CA5B: variants seen among roughly 807,000 people sequenced by gnomAD.
CA5B encodes the protein carbonic anhydrase 5B.
Under a neutral mutation model 23.1 loss-of-function variants are expected in CA5B, and 15 were observed. That is an observed-to-expected ratio of 0.65 (90% CI 0.43 to 1.00). The LOEUF (loss-of-function observed/expected upper bound fraction) is 1.00. Among genes scored for constraint, CA5B ranks in the 50% least tolerant of loss-of-function variants. The pLI is 0.00. For synonymous variants in CA5B, 84 were observed against 98.5 expected (o/e 0.85, Z 0.87); for missense variants, 236 against 252.2 (o/e 0.94, Z 0.43).
chrX:15,754,209 G>A (rs1277483782), intron 2 of CA5B, among the ~76,000 whole-genome samples: 1 of 112,024 alleles, frequency 8.9e-6, no homozygotes, highest in Non-Finnish European at 1.9e-5. Context: ...CATTCAGTCC[G>A]TTGGGTAGCT....
At chrX:15,738,543 C>G (rs1406173145) in intron 1 of CA5B, among the ~76,000 whole-genome samples, 191 bp downstream of exon 1, 1 of 110,817 alleles carries the variant, frequency 9.0e-6, no homozygotes, top group East Asian at 2.9e-4. Context: ...AATGGGGTGT[C>G]GAACTCCCCC....
intron 2 of CA5B, among the ~76,000 whole-genome samples, chrX:15,750,794 C>T (rs1931341262): frequency 8.9e-6 from 1 of 111,881 alleles, no homozygotes; most frequent in Admixed American, 9.5e-5. Flanking sequence ...CATCTCGTTC[C>T]CCTCCTGGAA....
intron 2 of CA5B, chrX:15,750,428 T>C: frequency 3.9e-6 from 1 of 256,172 alleles, no homozygotes. Context: ...GAATGTTCTT[T>C]CTTGACTAAT....
rs376834870 is a variant in CA5B, at chrX:15,750,159, C to T, written c.136C>T (p.Arg46Ter). The change falls in exon 2 of 8, where the codon CGA (arginine) becomes TGA (stop). Residue 46 changes from arginine (R) to a stop codon, truncating the protein, a stop_gained. Coordinates refer to ENST00000318636, the MANE Select transcript of CA5B (RefSeq NM_007220.4). LOFTEE classifies it high-confidence loss of function. ...TACTTGTACTTACAAAACCCGGAAC[C>T]GAGCCTGTGAGTACACCACTTCCTT... ...LYTCTYKTRN[R>*]ALHPLWESVD... The T allele has an allele frequency of 2.7e-5, 33 of 1,202,892 alleles. No homozygotes were observed. Among genetic ancestry groups the T allele is most frequent in the African/African-American group, 3.5e-5 (2 of 57,084 alleles).
chrX:15,781,568 A>C (rs752837083), intron 7 of CA5B, among the ~76,000 whole-genome samples: 6 of 111,690 alleles, frequency 5.4e-5, no homozygotes, highest in Non-Finnish European at 1.1e-4. Flanking sequence ...CCGTCATTGC[A>C]GAAAGTTCTA....
At chrX:15,741,916 A>G (rs1367183231) in intron 1 of CA5B, among the ~76,000 whole-genome samples, 1 of 111,883 alleles carries the variant, frequency 8.9e-6, no homozygotes, top group Non-Finnish European at 1.9e-5. Context: ...TAAAAATCAC[A>G]ATGGCTATCT....
Position 15,772,532 on chromosome X carries a change from T to G in CA5B, c.377T>G (p.Leu126Trp), listed in dbSNP as rs1029758433. The G allele has an allele frequency of 4.1e-6, 5 of 1,206,596 alleles. No individual in the cohort carries two copies. The highest frequency in any genetic ancestry group is 5.6e-6 in the Non-Finnish European group (5 of 892,617). The change falls in exon 4 of 8, where the codon TTG becomes TGG. Residue 126 changes from leucine (L) to tryptophan (W), a missense_variant. Transcript: ENST00000318636. ...GGACCCCTGGAACACAACTACCGAT[T>G]GAAGCAGTTCCATTTTCACTGGGGG... Reference protein sequence around the residue: ...KGGPLEHNYRLKQFHFHWGAI... With the variant: ...KGGPLEHNYRWKQFHFHWGAI...
chrX:15,747,856 A>G (rs1431226508), intron 1 of CA5B, among the ~76,000 whole-genome samples: 3 of 111,311 alleles, frequency 2.7e-5, no homozygotes, highest in African/African-American at 9.8e-5. Flanking sequence ...AGGGACACAC[A>G]CGTGGAGTTC....
At position 15,775,283 on chromosome X, in the gene CA5B, A is replaced by G; in HGVS notation, c.593A>G (p.Asp198Gly). ...CATAAGGAGCTACAGAAATTAGTGG[A>G]TACTTTGCCGTCAATTAAGCATAAG... ...KHHKELQKLV[D>G]TLPSIKHKDA... The change falls in exon 6 of 8, where the codon GAT becomes GGT. Residue 198 changes from aspartate (D) to glycine (G), a missense_variant. Physicochemically the swap from Asp to Gly is moderately conservative, Grantham distance 94. Coordinates refer to ENST00000318636, the MANE Select transcript of CA5B (RefSeq NM_007220.4). 8.3e-7 allele frequency: 1 copy of G among 1,201,489 alleles called. No individual in the cohort carries two copies. The highest frequency in any genetic ancestry group is 1.1e-6 in the Non-Finnish European group (1 of 888,823).
At chrX:15,759,077 G>GTAA (rs1259418688) in intron 2 of CA5B, among the ~76,000 whole-genome samples, 11 of 111,601 alleles carry the variant, frequency 9.9e-5, no homozygotes, top group African/African-American at 3.6e-4. Flanking sequence ...TGTCAAGGAG[G>GTAA]TAACAATTAA....
chrX:15,744,384 G>A (rs1258266246), intron 1 of CA5B, among the ~76,000 whole-genome samples: 4 of 112,654 alleles, frequency 3.6e-5, no homozygotes, highest in Non-Finnish European at 7.5e-5. Context: ...TTGGCCTCAT[G>A]TGTGTTCACT....
At chrX:15,765,374 T>A (rs992250294) in intron 3 of CA5B, 2 of 169,369 alleles carry the variant, frequency 1.2e-5, no homozygotes, top group African/African-American at 6.2e-5. Flanking sequence ...TTTTGAATCT[T>A]TTTTTTCACC....
At chrX:15,769,519 C>G in intron 3 of CA5B, 1 of 749,712 alleles carries the variant, frequency 1.3e-6, no homozygotes, top group Non-Finnish European at 1.6e-6. Context: ...GAGGTGAGTG[C>G]CTTTGTTCTC....
intron 7 of CA5B, among the ~76,000 whole-genome samples, chrX:15,777,292 T>G (rs1309351560): frequency 3.6e-5 from 4 of 112,028 alleles, no homozygotes; most frequent in Non-Finnish European, 7.5e-5. Context: ...TCCAGAAACT[T>G]TAATGTAAGT....
rs185184318 is a variant in CA5B, at chrX:15,757,010, G to A, written c.142+6845G>A. ...GCAGAGCTTGCAGTGAGCCGAGATC[G>A]CGCCACTGCTCTCCAGCCTGGGCAA... On this transcript the variant is annotated intron_variant, in intron 2 of 7. Coordinates refer to ENST00000318636, the MANE Select transcript of CA5B (RefSeq NM_007220.4). 2.9e-3 allele frequency among the ~76,000 whole-genome samples: 297 copies of A among 102,201 alleles called. 1 individual carries two copies. The highest frequency in any genetic ancestry group is 0.011 in the Middle Eastern group (2 of 174). The allele number at this position is 102,201 out of a possible 115,157, so 88.7% of individuals were successfully genotyped here.
chrX:15,765,136 T>C (rs1193246416), intron 3 of CA5B: 2 of 117,636 alleles, frequency 1.7e-5, no homozygotes, highest in African/African-American at 6.5e-5. Context: ...ATGAGAACTT[T>C]TACATTAAAT....
At chrX:15,767,034 C>G (rs1281934786) in intron 3 of CA5B, 1 of 821,336 alleles carries the variant, frequency 1.2e-6, no homozygotes, top group Non-Finnish European at 1.6e-6. Context: ...CTGGTGAGCT[C>G]TACTTGTCCC....
At chrX:15,782,349 C>G (rs1430555161) in intron 7 of CA5B, 136 bp from the exon 8 acceptor site, 3 of 595,020 alleles carry the variant, frequency 5.0e-6, no homozygotes, top group East Asian at 7.2e-5. Flanking sequence ...TGAAGGCGTT[C>G]TTACCCAGAA....
At chrX:15,764,303 T>A (rs1931661151) in intron 2 of CA5B, among the ~76,000 whole-genome samples, 1 of 108,427 alleles carries the variant, frequency 9.2e-6, no homozygotes, top group African/African-American at 3.4e-5. Context: ...AGTGCAGTGG[T>A]GCTATCATGG....
Sources: allele counts gnomAD v4.1 joint callset (sites outside exome capture counted in the v4.1 genomes callset), GRCh38; gene constraint gnomAD v4.1.1; transcripts MANE v1.5; gene names NCBI Gene and HGNC (gene_info 2026-07-23, HGNC 2026-07-21).